The following CSNK2A2IP variants were observed in gnomAD, a reference collection of about 807,000 sequenced individuals.
CSNK2A2IP encodes the protein casein kinase 2 subunit alpha' interacting protein.
the CSNK2A2IP span, among the ~76,000 whole-genome samples, chr3:88,405,402 A>G: frequency 6.6e-6 from 1 of 152,160 alleles, no homozygotes; most frequent in Non-Finnish European, 1.5e-5. Flanking sequence ...ACAGGAGATC[A>G]GAGGAAGGGG....
chr3:88,386,378 G>A, the CSNK2A2IP span, among the ~76,000 whole-genome samples: 33 of 152,244 alleles, frequency 2.2e-4, no homozygotes, highest in African/African-American at 7.2e-4. Context: ...CACCTGCCTC[G>A]GCCTCTCAAA....
the CSNK2A2IP span, among the ~76,000 whole-genome samples, chr3:88,443,661 A>T: frequency 3.3e-5 from 5 of 152,148 alleles, no homozygotes; most frequent in East Asian, 9.6e-4. Context: ...GAAGAGAGAA[A>T]CCATGAAGAC....
the CSNK2A2IP span, among the ~76,000 whole-genome samples, chr3:88,412,494 T>C: frequency 2.0e-5 from 3 of 152,076 alleles, no homozygotes; most frequent in African/African-American, 7.3e-5. Context: ...TGTTTTGTAA[T>C]AAGTTTCAGT....
At chr3:88,415,019 A>C in the CSNK2A2IP span, among the ~76,000 whole-genome samples, 9 of 151,704 alleles carry the variant, frequency 5.9e-5, no homozygotes, top group Admixed American at 5.9e-4. Flanking sequence ...TGTAAAAAAA[A>C]CCCACACACA....
the CSNK2A2IP span, among the ~76,000 whole-genome samples, chr3:88,410,506 T>A: frequency 6.6e-6 from 1 of 152,044 alleles, no homozygotes; most frequent in Non-Finnish European, 1.5e-5. Flanking sequence ...AAGCAGCTTA[T>A]CTTTTGTGGT....
chr3:88,383,663 T>G, the CSNK2A2IP span, among the ~76,000 whole-genome samples: 1 of 121,048 alleles, frequency 8.3e-6, no homozygotes, highest in Non-Finnish European at 2.0e-5. Context: ...TTTTTTTTTT[T>G]TTTTTTTTTT....
chr3:88,463,159 G>A, the CSNK2A2IP span, among the ~76,000 whole-genome samples: 34 of 152,066 alleles, frequency 2.2e-4, no homozygotes, highest in African/African-American at 7.9e-4. Context: ...GTAAGTCATG[G>A]AAACACAGAA....
chr3:88,380,994 C>T, the CSNK2A2IP span, among the ~76,000 whole-genome samples: 25 of 152,066 alleles, frequency 1.6e-4, no homozygotes, highest in African/African-American at 5.8e-4. Context: ...AACAGGGTGC[C>T]AGTCAAATTG....
At chr3:88,372,660 TC>T in the CSNK2A2IP span, among the ~76,000 whole-genome samples, 2 of 151,342 alleles carry the variant, frequency 1.3e-5, no homozygotes, top group Non-Finnish European at 3.0e-5. Context: ...TAAACAAACT[TC>T]AATCAATAGA....
chr3:88,424,455 A>G, the CSNK2A2IP span, among the ~76,000 whole-genome samples: 1 of 152,234 alleles, frequency 6.6e-6, no homozygotes, highest in Non-Finnish European at 1.5e-5. Context: ...CAAAAGAGAT[A>G]TGGTATTTGG....
chr3:88,466,006 C>G, the CSNK2A2IP span: 2 of 1,231,696 alleles, frequency 1.6e-6, no homozygotes, highest in Non-Finnish European at 1.0e-6. Flanking sequence ...GACATTGCTT[C>G]AATCCAAACC....
chr3:88,351,264 T>C, the CSNK2A2IP span, among the ~76,000 whole-genome samples: 6 of 152,138 alleles, frequency 3.9e-5, no homozygotes, highest in Non-Finnish European at 8.8e-5. Flanking sequence ...TTAAAAAGTA[T>C]AGACTAGAGA....
At chr3:88,384,795 G>A in the CSNK2A2IP span, among the ~76,000 whole-genome samples, 3 of 152,132 alleles carry the variant, frequency 2.0e-5, no homozygotes, top group African/African-American at 7.2e-5. Context: ...ATAGAAACAA[G>A]AGAAGTGGGC....
the CSNK2A2IP span, among the ~76,000 whole-genome samples, chr3:88,398,622 G>A: frequency 2.0e-5 from 3 of 152,216 alleles, no homozygotes; most frequent in East Asian, 5.8e-4. Flanking sequence ...AATAGAGAAA[G>A]GTCCCATCTT....
At chr3:88,407,311 A>AAAGGAG in the CSNK2A2IP span, among the ~76,000 whole-genome samples, 3 of 150,688 alleles carry the variant, frequency 2.0e-5, no homozygotes, top group Non-Finnish European at 4.4e-5. Flanking sequence ...AAAAAAAAAA[A>AAAGGAG]AGGAGAGGGA....
chr3:88,377,805 A>G, the CSNK2A2IP span, among the ~76,000 whole-genome samples: 1 of 152,004 alleles, frequency 6.6e-6, no homozygotes, highest in South Asian at 2.1e-4. Flanking sequence ...GATGATTTTA[A>G]CCAACACACA....
chr3:88,346,925 A>G, the CSNK2A2IP span, among the ~76,000 whole-genome samples: 1 of 152,164 alleles, frequency 6.6e-6, no homozygotes, highest in East Asian at 1.9e-4. Flanking sequence ...CCTTTTTGAA[A>G]GGATTCATCA....
At chr3:88,384,483 G>T in the CSNK2A2IP span, among the ~76,000 whole-genome samples, 2 of 152,158 alleles carry the variant, frequency 1.3e-5, no homozygotes, top group African/African-American at 4.8e-5. Flanking sequence ...CATGGCAGGA[G>T]TGAGGAGAAA....
the CSNK2A2IP span, among the ~76,000 whole-genome samples, chr3:88,428,818 T>G: frequency 6.6e-6 from 1 of 152,140 alleles, no homozygotes; most frequent in South Asian, 2.1e-4. Flanking sequence ...GACTAGATGT[T>G]CCTAACTTGT....
Sources: allele counts gnomAD v4.1 joint callset (sites outside exome capture counted in the v4.1 genomes callset), GRCh38; gene constraint gnomAD v4.1.1; transcripts MANE v1.5; gene names NCBI Gene and HGNC (gene_info 2026-07-23, HGNC 2026-07-21).